TPCN1: variants seen among roughly 807,000 people sequenced by gnomAD.
TPCN1 encodes the protein two pore channel protein 1.
Under a neutral mutation model 108.8 loss-of-function variants are expected in TPCN1, and 52 were observed. The ratio of observed to expected loss-of-function variants is 0.48; its 90% CI spans 0.38 to 0.60. The LOEUF (loss-of-function observed/expected upper bound fraction) is 0.60. Among genes scored for constraint, TPCN1 ranks in the 20% least tolerant of loss-of-function variants. The pLI is 0.00. For missense variants in TPCN1, 806 were observed against 1,072.8 expected (o/e 0.75, Z 3.47); for synonymous variants, 446 against 433.7 (o/e 1.03, Z -0.35).
At chr12:113,261,509 A>G (rs539660687) in intron 3 of TPCN1, among the ~76,000 whole-genome samples, 80 of 146,568 alleles carry the variant, frequency 5.5e-4, no homozygotes, top group African/African-American at 1.8e-3. Context: ...GCTCAGTGCA[A>G]CCTCTGCCTC....
intron 1 of TPCN1, among the ~76,000 whole-genome samples, chr12:113,224,576 T>C (rs1214223162): frequency 6.6e-6 from 1 of 151,998 alleles, no homozygotes; most frequent in African/African-American, 2.4e-5. Context: ...TTTTGTATTT[T>C]TAGTAGAGAC....
intron 2 of TPCN1, among the ~76,000 whole-genome samples, chr12:113,245,402 C>T (rs200855714): frequency 5.7e-4 from 84 of 146,230 alleles, no homozygotes; most frequent in East Asian, 1.3e-3. Context: ...TCGAGACCAT[C>T]CTGGCTAACA....
intron 1 of TPCN1, among the ~76,000 whole-genome samples, chr12:113,224,998 G>A (rs865894253): frequency 1.3e-4 from 19 of 151,904 alleles, no homozygotes; most frequent in Middle Eastern, 3.4e-3. Context: ...TGATCCACCC[G>A]TCTCTGCCTC....
intron 2 of TPCN1, among the ~76,000 whole-genome samples, chr12:113,229,826 G>T (rs1723912140): frequency 2.6e-5 from 4 of 152,144 alleles, no homozygotes. Flanking sequence ...GCCCAACCTG[G>T]TTGTTGCCTT....
At chr12:113,248,351 G>C (rs1177791536) in intron 2 of TPCN1, among the ~76,000 whole-genome samples, 1 of 152,258 alleles carries the variant, frequency 6.6e-6, no homozygotes, top group Non-Finnish European at 1.5e-5. Context: ...TGGGGCCTGG[G>C]AACACCACAG....
At chr12:113,246,569 C>CTCCT (rs1174136706) in intron 2 of TPCN1, among the ~76,000 whole-genome samples, 1 of 152,238 alleles carries the variant, frequency 6.6e-6, no homozygotes, top group East Asian at 1.9e-4. Context: ...ATCTCCCTCC[C>CTCCT]TCCTATGTCC....
chr12:113,250,970 AAAAG>A (rs1333289104), intron 2 of TPCN1, among the ~76,000 whole-genome samples: 3 of 151,554 alleles, frequency 2.0e-5, no homozygotes, highest in African/African-American at 7.3e-5. Flanking sequence ...TCTCAAAAAA[AAAAG>A]AAAAAATACA....
chr12:113,263,955 C>A (rs1315129647), intron 3 of TPCN1, among the ~76,000 whole-genome samples: 1 of 152,218 alleles, frequency 6.6e-6, no homozygotes, highest in Non-Finnish European at 1.5e-5. Context: ...TCATTACCCC[C>A]ATCTCTTCTG....
chr12:113,295,816 G>A, intron 27 of TPCN1, 144 bp from the exon 28 acceptor site: 1 of 877,282 alleles, frequency 1.1e-6, no homozygotes, highest in South Asian at 2.0e-5. Context: ...TTCTGGGCCT[G>A]TGACGGGGGT....
intron 2 of TPCN1, among the ~76,000 whole-genome samples, chr12:113,258,359 G>A (rs534524038): frequency 5.9e-5 from 9 of 152,158 alleles, no homozygotes; most frequent in Admixed American, 5.9e-4. Flanking sequence ...CCAGCTGCTC[G>A]GGAGGCTGAG....
At chr12:113,294,734 CTGGCATT>C (rs975764092) in intron 27 of TPCN1, among the ~76,000 whole-genome samples, 3 of 152,106 alleles carry the variant, frequency 2.0e-5, no homozygotes, top group African/African-American at 7.2e-5. Context: ...ACCGTGTGGG[CTGGCATT>C]TGGCACGGTG....
At position 113,261,522 on chromosome 12, in the gene TPCN1, G is replaced by A. The variant is rs984425778; in HGVS notation, c.237+1030G>A. ...CGGCTCAGTGCAACCTCTGCCTCCCGGGTTCAAGCGATTTTCCTGCCTCAG... is the reference window on the plus strand; with the variant it reads ...CGGCTCAGTGCAACCTCTGCCTCCCAGGTTCAAGCGATTTTCCTGCCTCAG... On this transcript the variant is annotated intron_variant, in intron 3 of 27. Transcript: ENST00000335509. Among the ~76,000 whole-genome samples, 11 of 144,704 alleles carry A rather than the reference G, an allele frequency of 7.6e-5. No individual in the cohort carries two copies. In the South Asian group the frequency reaches 1.4e-3, roughly 18 times the overall value. The allele number at this position is 144,704 out of a possible 152,430, so 94.9% of individuals were successfully genotyped here.
chr12:113,229,739 G>A lies in TPCN1; in HGVS notation c.112+2775G>A, dbSNP rs57116348. Among the ~76,000 whole-genome samples the A allele has an allele frequency of 4.6e-3, 706 of 152,256 alleles. 9 individuals carry two copies. Among genetic ancestry groups the A allele is most frequent in the African/African-American group, 0.015 (643 of 41,538 alleles). On this transcript the variant is annotated intron_variant, in intron 2 of 27. Transcript: ENST00000335509. ...ACTGTTGGCCTCAAGTGATCCACCT[G>A]CCTCGGCCTCCCAAAGTGCTAGGAT...
At chr12:113,236,315 C>T (rs1012869071) in intron 2 of TPCN1, among the ~76,000 whole-genome samples, 4 of 152,164 alleles carry the variant, frequency 2.6e-5, no homozygotes, top group African/African-American at 2.4e-5. Context: ...TCCCACCCCC[C>T]GGCACCCCAT....
Position 113,221,500 on chromosome 12 carries a change from T to C in TPCN1, c.-252T>C. On this transcript the variant is annotated 5_prime_UTR_variant, in exon 1 of 28. Coordinates refer to ENST00000335509, the MANE Select transcript of TPCN1 (RefSeq NM_017901.6). ...GCTGCCCTGGTGGCAGTGGCTGAAG[T>C]GGCGGCGGCTTCGGCGGCTGCGGCG... is the stretch of plus-strand genomic sequence containing the variant. 1 of 291,418 alleles carries C rather than the reference T, an allele frequency of 3.4e-6. No homozygotes were observed. Among genetic ancestry groups the C allele is most frequent in the Non-Finnish European group, 7.0e-6 (1 of 143,412 alleles). The allele number at this position is 291,418 out of a possible 1,614,324, so 18.1% of individuals were successfully genotyped here.
intron 10 of TPCN1, among the ~76,000 whole-genome samples, chr12:113,275,739 AT>A (rs1390894414): frequency 2.7e-5 from 4 of 150,766 alleles, no homozygotes; most frequent in African/African-American, 9.8e-5. Flanking sequence ...CGCCCGGCTA[AT>A]TTTTTTTGTA....
chr12:113,244,714 C>T (rs1954285143), intron 2 of TPCN1: 3 of 985,248 alleles, frequency 3.0e-6, no homozygotes, highest in African/African-American at 1.7e-5. Context: ...TTCTGGTAGG[C>T]GCTGGTTTCC....
chr12:113,286,630 C>G (rs535560405), intron 18 of TPCN1, among the ~76,000 whole-genome samples: 1 of 152,202 alleles, frequency 6.6e-6, no homozygotes, highest in African/African-American at 2.4e-5. Flanking sequence ...AACCAGATGT[C>G]TGTTGAGCGG....
intron 14 of TPCN1, among the ~76,000 whole-genome samples, chr12:113,279,359 GTATATATATATATA>G (rs1186995627): frequency 7.3e-5 from 3 of 41,000 alleles, no homozygotes; most frequent in African/African-American, 2.4e-4. Context: ...GTGTGTGTGT[GTATATATATATATA>G]TATATATATA....
Sources: allele counts gnomAD v4.1 joint callset (sites outside exome capture counted in the v4.1 genomes callset), GRCh38; gene constraint gnomAD v4.1.1; transcripts MANE v1.5; gene names NCBI Gene and HGNC (gene_info 2026-07-23, HGNC 2026-07-21).